Variants in RTL4 observed in about 807,000 individuals in gnomAD.
RTL4 encodes the protein retrotransposon Gag like 4, also known as retrotransposon Gag-like protein 4.
Under a neutral mutation model 5.3 loss-of-function variants are expected in RTL4, and 4 were observed. That is an observed-to-expected ratio of 0.75 (90% CI 0.37 to 1.72). The LOEUF (loss-of-function observed/expected upper bound fraction) is 1.72, where lower values mean the gene tolerates loss of function less well. Ranked by LOEUF, RTL4 falls within the 40% of genes most tolerant of loss-of-function variation. The pLI, the probability that RTL4 is intolerant of heterozygous loss-of-function variation, is 0.04. For missense variants in RTL4, 260 were observed against 227.1 expected (o/e 1.14, Z -0.93); for synonymous variants, 98 against 87.3 (o/e 1.12, Z -0.68).
At chrX:112,420,674 C>T in the RTL4 span, among the ~76,000 whole-genome samples, 1 of 111,913 alleles carries the variant, frequency 8.9e-6, no homozygotes, top group Non-Finnish European at 1.9e-5. Context: ...CATTGCTTGG[C>T]ACATAGGAAG....
chrX:112,358,790 C>T, the RTL4 span, among the ~76,000 whole-genome samples: 1 of 111,684 alleles, frequency 9.0e-6, no homozygotes, highest in Non-Finnish European at 1.9e-5. Context: ...TGCACTTAGT[C>T]CTTTTCACTA....
At chrX:112,202,911 G>A in the RTL4 span, among the ~76,000 whole-genome samples, 62 of 111,550 alleles carry the variant, frequency 5.6e-4, no homozygotes, top group South Asian at 0.023. Context: ...CAGTTTCACT[G>A]CATCTTCCCT....
the RTL4 span, among the ~76,000 whole-genome samples, chrX:112,289,104 A>T: frequency 8.9e-6 from 1 of 112,046 alleles, no homozygotes; most frequent in East Asian, 2.8e-4. Flanking sequence ...CTCTTATCAC[A>T]GGGGACACCC....
the RTL4 span, among the ~76,000 whole-genome samples, chrX:112,092,863 C>T: frequency 9.0e-6 from 1 of 111,559 alleles, no homozygotes; most frequent in African/African-American, 3.3e-5. Context: ...GCCTCCCCAG[C>T]CAGGTGGAAC....
the RTL4 span, among the ~76,000 whole-genome samples, chrX:112,376,161 C>T: frequency 9.0e-6 from 1 of 111,292 alleles, no homozygotes; most frequent in South Asian, 3.8e-4. Context: ...CCCCTCAAAA[C>T]GAAGATTATC....
At chrX:112,192,466 T>C in the RTL4 span, among the ~76,000 whole-genome samples, 1 of 111,636 alleles carries the variant, frequency 9.0e-6, no homozygotes, top group African/African-American at 3.2e-5. Context: ...CATACAGCAC[T>C]GCCTTTTTTG....
chrX:112,323,055 G>T, the RTL4 span, among the ~76,000 whole-genome samples: 1 of 112,019 alleles, frequency 8.9e-6, no homozygotes, highest in East Asian at 2.8e-4. Context: ...AAACTACAAT[G>T]AATGGGATTG....
the RTL4 span, among the ~76,000 whole-genome samples, chrX:112,287,072 A>G: frequency 8.9e-6 from 1 of 111,834 alleles, no homozygotes; most frequent in Non-Finnish European, 1.9e-5. Flanking sequence ...GTATGCTTAG[A>G]TGTGTGCAGG....
the RTL4 span, among the ~76,000 whole-genome samples, chrX:112,378,863 G>A: frequency 3.2e-4 from 36 of 112,214 alleles, no homozygotes; most frequent in African/African-American, 6.8e-4. Context: ...CTCCAACAGC[G>A]TACCATCCCT....
chrX:112,219,263 T>A, the RTL4 span, among the ~76,000 whole-genome samples: 1 of 112,375 alleles, frequency 8.9e-6, no homozygotes, highest in African/African-American at 3.2e-5. Flanking sequence ...TTACAAGGCA[T>A]CTCAAGGGAA....
the RTL4 span, among the ~76,000 whole-genome samples, chrX:112,105,603 C>A: frequency 9.9e-5 from 11 of 110,939 alleles, no homozygotes; most frequent in African/African-American, 3.3e-4. Context: ...AGATTTTTCA[C>A]CTCCTTGGTT....
the RTL4 span, among the ~76,000 whole-genome samples, chrX:112,391,407 A>T: frequency 9.0e-6 from 1 of 110,893 alleles, no homozygotes; most frequent in Non-Finnish European, 1.9e-5. Context: ...GAGTTACTGG[A>T]GTTCTTGAAT....
At chrX:112,121,087 T>C in the RTL4 span, among the ~76,000 whole-genome samples, 1 of 111,937 alleles carries the variant, frequency 8.9e-6, no homozygotes, top group South Asian at 3.7e-4. Context: ...CAAATGCCCA[T>C]GACACAGGTT....
the RTL4 span, among the ~76,000 whole-genome samples, chrX:112,142,587 C>T: frequency 9.0e-6 from 1 of 111,650 alleles, no homozygotes; most frequent in Non-Finnish European, 1.9e-5. Context: ...AAGCAGGGTT[C>T]TGAGGACACT....
chrX:112,146,650 G>A, the RTL4 span, among the ~76,000 whole-genome samples: 1 of 109,691 alleles, frequency 9.1e-6, no homozygotes, highest in South Asian at 4.1e-4. Flanking sequence ...GAGGTAGGAG[G>A]ACAAATCAGT....
chrX:112,310,289 T>C, the RTL4 span, among the ~76,000 whole-genome samples: 3 of 82,451 alleles, frequency 3.6e-5, no homozygotes, highest in African/African-American at 1.4e-4. Context: ...TCTCTGCCAC[T>C]TGAGACAGCA....
the RTL4 span, among the ~76,000 whole-genome samples, chrX:112,227,110 G>A: frequency 3.2e-3 from 354 of 110,897 alleles, 1 homozygote; most frequent in African/African-American, 0.011. Context: ...GCTTGTCTTT[G>A]GTGATTCAGC....
At chrX:112,127,991 CTG>C in the RTL4 span, among the ~76,000 whole-genome samples, 3 of 111,700 alleles carry the variant, frequency 2.7e-5, no homozygotes, top group South Asian at 1.1e-3. Flanking sequence ...ACAATATAAA[CTG>C]AAATAGTCTA....
the RTL4 span, among the ~76,000 whole-genome samples, chrX:112,356,744 G>A: frequency 9.2e-3 from 1,026 of 111,108 alleles, 16 homozygotes; most frequent in African/African-American, 0.032. Flanking sequence ...CCATGGCGCC[G>A]ACTCTGGCCC....
Sources: allele counts gnomAD v4.1 joint callset (sites outside exome capture counted in the v4.1 genomes callset), GRCh38; gene constraint gnomAD v4.1.1; transcripts MANE v1.5; gene names NCBI Gene and HGNC (gene_info 2026-07-23, HGNC 2026-07-21).